AK5: variants seen among roughly 807,000 people sequenced by gnomAD.
The protein encoded by AK5 is adenylate kinase isoenzyme 5.
In AK5, 27 loss-of-function variants were observed where a neutral mutation model predicts 69.5. The observed-to-expected ratio is 0.39, with a 90% CI of 0.29 to 0.54. The LOEUF is 0.54. Ranked by LOEUF, AK5 falls within the 20% of genes least tolerant of loss-of-function variation. The pLI, the probability that AK5 is intolerant of heterozygous loss-of-function variation, is 0.71. For missense variants in AK5, 531 were observed against 700.4 expected (o/e 0.76, Z 2.73); for synonymous variants, 260 against 244.4 (o/e 1.06, Z -0.60).
chr1:77,386,683 A>G (rs1648053563), intron 6 of AK5, among the ~76,000 whole-genome samples: 1 of 152,206 alleles, frequency 6.6e-6, no homozygotes, highest in Non-Finnish European at 1.5e-5. Context: ...AAGCTGTTAC[A>G]TATGTATAAT....
intron 8 of AK5, among the ~76,000 whole-genome samples, chr1:77,475,379 T>A (rs1314077648): frequency 4.5e-4 from 40 of 89,196 alleles, no homozygotes; most frequent in South Asian, 1.8e-3. Context: ...AAATATATAT[T>A]ATATATATGT....
intron 1 of AK5, chr1:77,282,691 C>T (rs2100631656): frequency 8.9e-7 from 1 of 1,121,784 alleles, no homozygotes; most frequent in East Asian, 5.8e-5. Flanking sequence ...GCGGCCGGGC[C>T]GCACTCTCTG....
chr1:77,368,245 A>ATATATATATATATATATATTATATATAT (rs376578923), intron 6 of AK5, among the ~76,000 whole-genome samples: 4 of 67,904 alleles, frequency 5.9e-5, no homozygotes, highest in Non-Finnish European at 1.1e-4. Context: ...ATATATATAT[A>ATATATATATATATATATATTATATATAT]TATATATAAT....
intron 6 of AK5, among the ~76,000 whole-genome samples, chr1:77,374,502 TC>T (rs1384111973): frequency 2.0e-5 from 3 of 151,814 alleles, no homozygotes; most frequent in Non-Finnish European, 4.4e-5. Flanking sequence ...TGTTTTATAT[TC>T]CTGGGTCTCT....
At position 77,327,499 on chromosome 1, in the gene AK5, A is replaced by G. The variant is rs560885418; in HGVS notation, c.700-12878A>G. On this transcript the variant is annotated intron_variant, in intron 5 of 13. Transcript: ENST00000354567. ...TGATTTTTCCTGGCTGAGTCTGGCA[A>G]CATCGGCCAACATTATCGTCCAGTC... is the stretch of plus-strand genomic sequence containing the variant. Among the ~76,000 whole-genome samples the G allele has an allele frequency of 3.3e-5, 5 of 152,322 alleles. No homozygotes were observed. In the South Asian group the frequency reaches 1.0e-3, roughly 32 times the overall value.
In AK5 at chr1:77,477,246, T is replaced by A. The variant is rs139966837; in HGVS notation, c.1060-6071T>A. ...TCTCACTATGTTGCCCAGGCTAGTC[T>A]CAAACTCCTGGGCTCAAATGATCCT... is the stretch of plus-strand genomic sequence containing the variant. On this transcript the variant is annotated intron_variant, in intron 8 of 13. Transcript: ENST00000354567. 7.9e-4 allele frequency among the ~76,000 whole-genome samples: 121 copies of A among 152,322 alleles called. 2 individuals carry two copies. Among genetic ancestry groups the A allele is most frequent in the African/African-American group, 2.8e-3 (118 of 41,580 alleles).
chr1:77,399,163 G>A (rs891262611), intron 6 of AK5, among the ~76,000 whole-genome samples: 2 of 152,152 alleles, frequency 1.3e-5, no homozygotes, highest in Admixed American at 6.5e-5. Context: ...CCAAAGATTA[G>A]CGAGCAGAAT....
At chr1:77,427,133 A>G (rs1291580081) in intron 8 of AK5, among the ~76,000 whole-genome samples, 1 of 151,820 alleles carries the variant, frequency 6.6e-6, no homozygotes, top group Non-Finnish European at 1.5e-5. Context: ...TAAGCCAAAG[A>G]AAAAAAACTA....
intron 10 of AK5, among the ~76,000 whole-genome samples, chr1:77,496,897 C>T (rs947355609): frequency 2.6e-5 from 4 of 152,006 alleles, no homozygotes; most frequent in East Asian, 1.9e-4. Flanking sequence ...CTAATTGGCA[C>T]GCTGTAAAAT....
At chr1:77,463,444 C>T (rs74092660) in intron 8 of AK5, among the ~76,000 whole-genome samples, 5,010 of 152,162 alleles carry the variant, frequency 0.033, 226 homozygotes, top group East Asian at 0.19. Context: ...TCAAGATTTA[C>T]CTAGTCCTTG....
chr1:77,479,258 G>T lies in AK5; in HGVS notation c.1060-4059G>T, dbSNP rs534974838. On this transcript the variant is annotated intron_variant, in intron 8 of 13. Transcript: ENST00000354567. ...TCGCTCTTGTTGCCCAGGCTGGAGTGCAGTGGCATGATCTCAGCTCACTGC... is the reference window on the plus strand; with the variant it reads ...TCGCTCTTGTTGCCCAGGCTGGAGTTCAGTGGCATGATCTCAGCTCACTGC... Among the ~76,000 whole-genome samples, 4 of 138,118 alleles carry T rather than the reference G, an allele frequency of 2.9e-5. No homozygotes were observed. The South Asian group carries it at 9.3e-4, about 32-fold the overall frequency. The allele number at this position is 138,118 out of a possible 152,430, so 90.6% of individuals were successfully genotyped here. A position where few individuals can be genotyped will look rare whatever the true frequency, so the allele number is the denominator to read the frequency against.
At chr1:77,450,724 T>C (rs771446907) in intron 8 of AK5, among the ~76,000 whole-genome samples, 3 of 152,196 alleles carry the variant, frequency 2.0e-5, no homozygotes, top group Admixed American at 6.5e-5. Flanking sequence ...TTTGCAATCA[T>C]GTAAGTTAAT....
intron 8 of AK5, among the ~76,000 whole-genome samples, chr1:77,470,848 TA>T (rs1654428610): frequency 0.041 from 525 of 12,834 alleles, 50 homozygotes; most frequent in Non-Finnish European, 0.058. Context: ...TATATATATA[TA>T]TATATATATA....
chr1:77,532,204 G>A (rs1382557427), intron 12 of AK5: 1 of 155,064 alleles, frequency 6.4e-6, no homozygotes, highest in Non-Finnish European at 1.4e-5. Flanking sequence ...GGCTCCTCAA[G>A]CGCGGCCAGA....
At chr1:77,367,656 A>ATATATATGTTATGTTATATATGT (rs1646995230) in intron 6 of AK5, among the ~76,000 whole-genome samples, 2 of 91,002 alleles carry the variant, frequency 2.2e-5, no homozygotes, top group African/African-American at 1.0e-4. Context: ...TATATATGTT[A>ATATATATGTTATGTTATATATGT]TATATATGTT....
intron 10 of AK5, among the ~76,000 whole-genome samples, chr1:77,502,218 A>G (rs745536939): frequency 4.6e-5 from 7 of 152,220 alleles, no homozygotes; most frequent in Non-Finnish European, 7.3e-5. Flanking sequence ...ATGACATGCT[A>G]TGGCCTCAGA....
chr1:77,539,477 GCCCAGGGCCATCCCCTA>G (rs1221217219), intron 13 of AK5, among the ~76,000 whole-genome samples: 1 of 152,104 alleles, frequency 6.6e-6, no homozygotes, highest in Non-Finnish European at 1.5e-5. Context: ...CACTGCCCCT[GCCCAGGGCCATCCCCTA>G]CCCACACAGC....
chr1:77,502,088 T>G (rs1238287202), intron 10 of AK5, among the ~76,000 whole-genome samples: 1 of 152,206 alleles, frequency 6.6e-6, no homozygotes, highest in African/African-American at 2.4e-5. Flanking sequence ...TTGCCCCACT[T>G]GGAACTTTGA....
rs183421550 is a variant in AK5 at position 77,541,198 on chromosome 1, C to T, written c.1620+5160C>T. ...CTGGGATTACAGGCGTGAGCTACCA[C>T]GCCCAGCCAGGAGCCTAGGAGTTCT... is the stretch of plus-strand genomic sequence containing the variant. On this transcript the variant is annotated intron_variant, in intron 13 of 13. Transcript: ENST00000354567. Among the ~76,000 whole-genome samples, 265 of 152,280 alleles carry T rather than the reference C, an allele frequency of 1.7e-3. 3 individuals are homozygous for T. Among genetic ancestry groups the T allele is most frequent in the African/African-American group, 2.4e-3 (101 of 41,554 alleles).
Sources: allele counts gnomAD v4.1 joint callset (sites outside exome capture counted in the v4.1 genomes callset), GRCh38; gene constraint gnomAD v4.1.1; transcripts MANE v1.5; gene names NCBI Gene and HGNC (gene_info 2026-07-23, HGNC 2026-07-21).